Variants in RAB38 observed in about 807,000 individuals in gnomAD.
RAB38 encodes the protein ras-related protein Rab-38.
A neutral mutation model predicts 18.4 loss-of-function variants in RAB38; 15 were observed. The observed-to-expected ratio is 0.82, with a 90% CI of 0.55 to 1.26. The LOEUF is 1.26. RAB38 is among the 50% of genes most tolerant of loss of function. The pLI is 0.00. For missense variants in RAB38, 294 were observed against 267.4 expected (o/e 1.10, Z -0.69); for synonymous variants, 101 against 104.4 (o/e 0.97, Z 0.20).
At chr11:87,841,781 C>G in the RAB38 span, among the ~76,000 whole-genome samples, 1 of 152,140 alleles carries the variant, frequency 6.6e-6, no homozygotes, top group Non-Finnish European at 1.5e-5. Context: ...GGGGTGCTAA[C>G]TGATTGGATA....
the RAB38 span, among the ~76,000 whole-genome samples, chr11:87,836,760 A>T: frequency 1.3e-5 from 2 of 152,082 alleles, no homozygotes; most frequent in East Asian, 3.9e-4. Flanking sequence ...TCCTTCTGTG[A>T]TCTTACCTCT....
At chr11:87,964,963 G>A in the RAB38 span, among the ~76,000 whole-genome samples, 4 of 152,134 alleles carry the variant, frequency 2.6e-5, no homozygotes, top group African/African-American at 9.7e-5. Flanking sequence ...AACAACTAAA[G>A]TTATATCTAC....
rs990449392 is a variant in RAB38, at chr11:88,141,664, T to C, written c.483+8011A>G. ...TCTCAGCTGGAAGGGTTTATGCTAA[T>C]GGACATGGTTTGACATACCGCAAAG... On this transcript the variant is annotated intron_variant, in intron 2 of 2. Coordinates refer to ENST00000243662, the MANE Select transcript of RAB38 (RefSeq NM_022337.3). Among the ~76,000 whole-genome samples, 3 of 152,236 alleles carry C rather than the reference T, an allele frequency of 2.0e-5. No individual in the cohort carries two copies. In the South Asian group the frequency reaches 6.2e-4, roughly 31 times the overall value.
the RAB38 span, among the ~76,000 whole-genome samples, chr11:87,947,402 A>G: frequency 6.6e-6 from 1 of 151,998 alleles, no homozygotes; most frequent in Non-Finnish European, 1.5e-5. Context: ...ATTAGATCCC[A>G]TTTGTCAATT....
At chr11:87,856,604 A>G in the RAB38 span, among the ~76,000 whole-genome samples, 1 of 152,188 alleles carries the variant, frequency 6.6e-6, no homozygotes, top group African/African-American at 2.4e-5. Context: ...ATCATTTCCC[A>G]TCAAACCTGA....
At chr11:87,819,250 T>C in the RAB38 span, among the ~76,000 whole-genome samples, 2 of 152,186 alleles carry the variant, frequency 1.3e-5, no homozygotes, top group Admixed American at 1.3e-4. Context: ...TGCCTCAACC[T>C]TTGAAGTGCT....
At chr11:87,966,493 A>G in the RAB38 span, among the ~76,000 whole-genome samples, 2 of 152,132 alleles carry the variant, frequency 1.3e-5, no homozygotes, top group South Asian at 2.1e-4. Context: ...ATATAAATAT[A>G]TATTTCTAAA....
the RAB38 span, among the ~76,000 whole-genome samples, chr11:87,905,847 T>TGTACTCTGACTGCAAATTAGATTCTGTA: frequency 6.6e-6 from 1 of 151,978 alleles, no homozygotes; most frequent in Non-Finnish European, 1.5e-5. Flanking sequence ...TTGATTCTCT[T>TGTACTCTGACTGCAAATTAGATTCTGTA]GTACTCTGAC....
chr11:88,069,150 G>A, the RAB38 span, among the ~76,000 whole-genome samples: 2,129 of 152,314 alleles, frequency 0.014, 20 homozygotes, highest in Non-Finnish European at 0.019. Flanking sequence ...GGAATGGCCT[G>A]CCAGCACCGC....
chr11:88,051,354 T>C, the RAB38 span, among the ~76,000 whole-genome samples: 1 of 151,916 alleles, frequency 6.6e-6, no homozygotes, highest in East Asian at 1.9e-4. Flanking sequence ...ATAGATCTGA[T>C]TCTAATCAGC....
At chr11:88,106,741 A>C in the RAB38 span, among the ~76,000 whole-genome samples, 1 of 152,170 alleles carries the variant, frequency 6.6e-6, no homozygotes, top group African/African-American at 2.4e-5. Flanking sequence ...CCTTGTCTTC[A>C]AGACTTACTT....
At chr11:87,932,754 T>C in the RAB38 span, among the ~76,000 whole-genome samples, 1 of 152,090 alleles carries the variant, frequency 6.6e-6, no homozygotes, top group African/African-American at 2.4e-5. Flanking sequence ...GTCCAGTGTG[T>C]AGGCAAAAAC....
At chr11:88,052,020 G>C in the RAB38 span, among the ~76,000 whole-genome samples, 7 of 152,164 alleles carry the variant, frequency 4.6e-5, no homozygotes, top group African/African-American at 1.7e-4. Flanking sequence ...CTACTTGGGA[G>C]GCTAAAGCAG....
At chr11:88,141,519 G>A (rs539904609) in intron 2 of RAB38, among the ~76,000 whole-genome samples, 1 of 152,286 alleles carries the variant, frequency 6.6e-6, no homozygotes, top group African/African-American at 2.4e-5. Flanking sequence ...TTTCATAAGA[G>A]TTGTTATTTA....
the RAB38 span, among the ~76,000 whole-genome samples, chr11:87,954,525 TAAATGCACGCTAGAGAAGGAA>T: frequency 6.6e-6 from 1 of 152,124 alleles, no homozygotes; most frequent in Non-Finnish European, 1.5e-5. Flanking sequence ...AAGACCTGCA[TAAATGCACGCTAGAGAAGGAA>T]CAGCCTTGTT....
the RAB38 span, among the ~76,000 whole-genome samples, chr11:88,032,513 T>A: frequency 4.0e-5 from 6 of 151,674 alleles, no homozygotes; most frequent in African/African-American, 9.7e-5. Context: ...GAATCTACAA[T>A]GAACTCAAAT....
chr11:87,931,023 G>C, the RAB38 span, among the ~76,000 whole-genome samples: 1 of 152,044 alleles, frequency 6.6e-6, no homozygotes, highest in African/African-American at 2.4e-5. Flanking sequence ...TGTTCTTTTG[G>C]CTTAGGATTG....
At chr11:88,046,569 C>T in the RAB38 span, among the ~76,000 whole-genome samples, 2 of 152,156 alleles carry the variant, frequency 1.3e-5, no homozygotes, top group African/African-American at 4.8e-5. Context: ...AGACAGCTCC[C>T]ATTACTTCAG....
chr11:87,943,023 C>G, the RAB38 span, among the ~76,000 whole-genome samples: 1 of 151,986 alleles, frequency 6.6e-6, no homozygotes, highest in Admixed American at 6.6e-5. Context: ...ATGGGTAATT[C>G]TCGCATAAGC....
Sources: gnomAD v4.1 joint callset for allele counts (sites outside exome capture counted in the v4.1 genomes callset) on GRCh38, gnomAD v4.1.1 for gene constraint, MANE v1.5 for transcripts, NCBI Gene and HGNC (gene_info 2026-07-23, HGNC 2026-07-21) for gene names.